Variants in SNX31 observed in about 807,000 individuals in gnomAD.
SNX31 encodes sorting nexin-31.
Under a neutral mutation model 65.4 loss-of-function variants are expected in SNX31, and 58 were observed. That is an observed-to-expected ratio of 0.89 (90% CI 0.72 to 1.10). SNX31 has a LOEUF of 1.10. Among genes scored for constraint, SNX31 ranks in the 50% least tolerant of loss-of-function variants. The pLI is 0.00. For missense variants in SNX31, 523 were observed against 529.7 expected (o/e 0.99, Z 0.12); for synonymous variants, 181 against 190.1 (o/e 0.95, Z 0.39).
Position 100,596,684 on chromosome 8 carries a change from G to T in SNX31, c.933C>A (p.Ile311=), listed in dbSNP as rs764433330. ...ACTTCACCCTGCTCATCTGGAAAAC[G>T]ATGTCCTGGGTCTGGCTGTCAGGCA... ...ITLPDSQTQD[I]VFQMSRVKCW... is the part of the protein sequence containing the mutation. The change falls in exon 10 of 14, where the codon ATC becomes ATA. Residue 311 remains isoleucine, a synonymous_variant. Transcript: ENST00000311812. 2 of 1,614,162 alleles carry T rather than the reference G, an allele frequency of 1.2e-6. No homozygotes were observed. The highest frequency in any genetic ancestry group is 2.2e-5 in the South Asian group (2 of 91,070).
rs577057168 is a variant in SNX31 at position 100,626,461 on chromosome 8, G to A, written c.321+3866C>T. ...TATTTAGAAGGCTAGATCATGATAT[G>A]AGGAGCTGGGGTTTAAAGCTTTGCT... On this transcript the variant is annotated intron_variant, in intron 4 of 13. Transcript: ENST00000311812. The surrounding 1 kb of genome is among the most constrained non-coding windows in gnomAD (Gnocchi z 4.4). 2.0e-5 allele frequency among the ~76,000 whole-genome samples: 3 copies of A among 152,212 alleles called. No individual in the cohort carries two copies. Among genetic ancestry groups the A allele is most frequent in the Admixed American group, 2.0e-4 (3 of 15,280 alleles).
At position 100,609,264 on chromosome 8, in the gene SNX31, T is replaced by C. The variant is rs147303678; in HGVS notation, c.612-701A>G. On this transcript the variant is annotated intron_variant, in intron 7 of 13. Coordinates refer to ENST00000311812, the MANE Select transcript of SNX31 (RefSeq NM_152628.4). The surrounding 1 kb of genome is among the most constrained non-coding windows in gnomAD (Gnocchi z 4.9). ...CTCACCAGTCTCCTCCCCTGACTGA[T>C]TGGCCTTTCTTTGCAAGCCTTATGC... 1.5e-3 allele frequency among the ~76,000 whole-genome samples: 221 copies of C among 152,296 alleles called. No homozygotes were observed. Among genetic ancestry groups the C allele is most frequent in the Non-Finnish European group, 2.3e-3 (158 of 68,036 alleles).
chr8:100,652,229 C>T (rs1032227103), upstream of SNX31, among the ~76,000 whole-genome samples: 1 of 152,206 alleles, frequency 6.6e-6, no homozygotes, highest in Non-Finnish European at 1.5e-5. Flanking sequence ...CTACCCGCCT[C>T]GGCCTCCCAA....
At chr8:100,589,023 T>G in intron 10 of SNX31, 44 bp from the exon 11 acceptor site, 1 of 1,513,754 alleles carries the variant, frequency 6.6e-7, no homozygotes, top group Non-Finnish European at 9.1e-7. Context: ...TTTAAATGCC[T>G]ATTAATTTGC....
chr8:100,643,263 T>A (rs1457409957), intron 2 of SNX31, among the ~76,000 whole-genome samples: 1 of 152,182 alleles, frequency 6.6e-6, no homozygotes, highest in Non-Finnish European at 1.5e-5. Context: ...TACCCCTTCG[T>A]ACAGCTCTGC....
At chr8:100,624,009 G>A (rs1208772682) in intron 4 of SNX31, among the ~76,000 whole-genome samples, 1 of 151,044 alleles carries the variant, frequency 6.6e-6, no homozygotes, top group East Asian at 1.9e-4. Flanking sequence ...TGGGGGGGAG[G>A]TGGGGGGATG....
chr8:100,647,283 A>G (rs998092906), intron 2 of SNX31, among the ~76,000 whole-genome samples: 2 of 152,228 alleles, frequency 1.3e-5, no homozygotes, highest in Non-Finnish European at 2.9e-5. Context: ...ATTAAAATCT[A>G]TTTTATTAAA....
Position 100,629,916 on chromosome 8 carries a change from C to T in SNX31, c.321+411G>A, listed in dbSNP as rs752904840. Among the ~76,000 whole-genome samples the T allele has an allele frequency of 1.7e-4, 26 of 152,208 alleles. No individual in the cohort carries two copies. The highest frequency in any genetic ancestry group is 3.8e-4 in the Non-Finnish European group (26 of 68,040). ...AGGAATAGCCAGCATGGCCTGCTTT[C>T]CTGATGTCTTCACTGTGGCCCATTT... On this transcript the variant is annotated intron_variant, in intron 4 of 13. Coordinates refer to ENST00000311812, the MANE Select transcript of SNX31 (RefSeq NM_152628.4). This position sits in a 1 kb window ranked among gnomAD's most constrained non-coding sequence, Gnocchi z 5.1.
intron 4 of SNX31, among the ~76,000 whole-genome samples, chr8:100,621,555 A>C (rs1404837272): frequency 1.3e-5 from 2 of 152,168 alleles, no homozygotes; most frequent in Admixed American, 6.5e-5. Context: ...CCATCTTACC[A>C]CCAGCACCTT....
chr8:100,617,987 A>G (rs942145733), intron 4 of SNX31: 12 of 728,186 alleles, frequency 1.6e-5, no homozygotes, highest in Non-Finnish European at 2.0e-5. Context: ...GCTGGTCTCA[A>G]ACTCCTGACC....
At chr8:100,640,490 G>T (rs1219577234) in intron 2 of SNX31, among the ~76,000 whole-genome samples, 2 of 152,168 alleles carry the variant, frequency 1.3e-5, no homozygotes, top group African/African-American at 4.8e-5. Flanking sequence ...TCTCAGTGTG[G>T]GCTGCATGTA....
intron 2 of SNX31, among the ~76,000 whole-genome samples, chr8:100,640,533 G>A (rs1356347789): frequency 6.6e-6 from 1 of 152,244 alleles, no homozygotes; most frequent in African/African-American, 2.4e-5. Flanking sequence ...ACTATGGAAA[G>A]AGAGGACAAA....
upstream of SNX31, among the ~76,000 whole-genome samples, chr8:100,651,655 A>G (rs1819977523): frequency 6.6e-6 from 1 of 152,250 alleles, no homozygotes; most frequent in Admixed American, 6.5e-5. Flanking sequence ...ACTGTGCAAG[A>G]CAATCTTCAA....
chr8:100,645,773 C>T (rs1262878329), intron 2 of SNX31, among the ~76,000 whole-genome samples: 1 of 152,092 alleles, frequency 6.6e-6, no homozygotes, highest in Admixed American at 6.6e-5. Context: ...CCATGCCTGG[C>T]TAATTTTTTG....
rs191661520 is a variant in SNX31, at chr8:100,661,722, G to T, written c.-58+1420C>A. On this transcript the variant is annotated intron_variant, in intron 1 of 5. Transcript: ENST00000520352. ...TTTTTTTTTATTTTGTAGAAACTAG[G>T]TCTAACTATTTTGTTCAGGCTAGTC... Among the ~76,000 whole-genome samples, 39 of 151,704 alleles carry T rather than the reference G, an allele frequency of 2.6e-4. No homozygotes were observed. The East Asian group carries it at 7.4e-3, about 29-fold the overall frequency.
intron 8 of SNX31, among the ~76,000 whole-genome samples, chr8:100,607,675 C>T (rs1012054687): frequency 2.0e-5 from 3 of 152,034 alleles, no homozygotes; most frequent in East Asian, 1.9e-4. Context: ...GTGTTTGTAA[C>T]GTAAAGGATA....
rs186868540 is a variant in SNX31 at position 100,631,746 on chromosome 8, T to C, written c.257-1355A>G. Among the ~76,000 whole-genome samples, 465 of 152,308 alleles carry C rather than the reference T, an allele frequency of 3.1e-3. 1 individual carries two copies. The highest frequency in any genetic ancestry group is 8.9e-3 in the African/African-American group (369 of 41,584). On this transcript the variant is annotated intron_variant, in intron 3 of 13. Transcript: ENST00000311812. The stretch of plus-strand genomic sequence containing the variant: ...TCCCTGCAACATGAGAAACTATTTA[T>C]AAAAAGCATTCTGTCTTTTCTGAGG...
chr8:100,624,870 T>C (rs544911858), intron 4 of SNX31, among the ~76,000 whole-genome samples: 25 of 152,224 alleles, frequency 1.6e-4, no homozygotes, highest in African/African-American at 4.8e-4. Context: ...GGGCTGATCA[T>C]AGCTCACCGT....
At position 100,648,896 on chromosome 8, in the gene SNX31, C is replaced by T. The variant is rs576863805; in HGVS notation, c.141+378G>A. On this transcript the variant is annotated intron_variant, in intron 2 of 13. Coordinates refer to ENST00000311812, the MANE Select transcript of SNX31 (RefSeq NM_152628.4). This position sits in a 1 kb window ranked among gnomAD's most constrained non-coding sequence, Gnocchi z 4.3. Reference sequence around the variant, plus strand: ...CAAAGACTCTAGGCCTTGATCTAGACCCAGTTTCCAAATTTTGGAGGGAAG... The same window carrying T: ...CAAAGACTCTAGGCCTTGATCTAGATCCAGTTTCCAAATTTTGGAGGGAAG... Among the ~76,000 whole-genome samples the T allele has an allele frequency of 1.3e-5, 2 of 152,342 alleles. No homozygotes were observed. Among genetic ancestry groups the T allele is most frequent in the South Asian group, 4.1e-4 (2 of 4,830 alleles).
Sources: allele counts gnomAD v4.1 joint callset (sites outside exome capture counted in the v4.1 genomes callset), GRCh38; gene constraint gnomAD v4.1.1; non-coding constraint Gnocchi (gnomAD v3.1); transcripts MANE v1.5; gene names NCBI Gene and HGNC (gene_info 2026-07-23, HGNC 2026-07-21).